The following SAMD8 variants were observed in gnomAD, a reference collection of about 807,000 sequenced individuals.
SAMD8 encodes sphingomyelin synthase-related protein 1.
A neutral mutation model predicts 42.0 loss-of-function variants in SAMD8; 20 were observed. That is an observed-to-expected ratio of 0.48 (90% CI 0.34 to 0.69). The LOEUF (loss-of-function observed/expected upper bound fraction) is 0.69, where lower values mean the gene tolerates loss of function less well. Among genes scored for constraint, SAMD8 ranks in the 30% least tolerant of loss-of-function variants. SAMD8 has a pLI of 0.01. For synonymous variants in SAMD8, 162 were observed against 173.0 expected (o/e 0.94, Z 0.50); for missense variants, 328 against 511.6 (o/e 0.64, Z 3.46).
intron 4 of SAMD8, among the ~76,000 whole-genome samples, chr10:75,173,043 T>G (rs1292446169): frequency 2.6e-5 from 4 of 152,188 alleles, no homozygotes; most frequent in Non-Finnish European, 5.9e-5. Context: ...GGGATATCCG[T>G]GCATAGGGCT....
chr10:75,150,076 ATC>A (rs749960015), intron 1 of SAMD8, among the ~76,000 whole-genome samples: 224 of 147,556 alleles, frequency 1.5e-3, no homozygotes, highest in African/African-American at 4.4e-3. Flanking sequence ...GTGTGTGTAC[ATC>A]TCTCTCTCTC....
chr10:75,121,413 C>T (rs1014847526), intron 1 of SAMD8, among the ~76,000 whole-genome samples: 3 of 152,294 alleles, frequency 2.0e-5, no homozygotes, highest in East Asian at 1.9e-4. Context: ...AGGAATTGTA[C>T]TAGATCTCTC....
At chr10:75,148,308 G>GT (rs1404246082) in intron 1 of SAMD8, among the ~76,000 whole-genome samples, 1 of 143,838 alleles carries the variant, frequency 7.0e-6, no homozygotes, top group Non-Finnish European at 1.5e-5. Context: ...CGTGGCAGGA[G>GT]TTTATGTGGG....
At chr10:75,108,036 G>A, upstream of SAMD8, 5 of 1,613,848 alleles carry the variant, frequency 3.1e-6, no homozygotes, top group Non-Finnish European at 4.2e-6. Context: ...AGCCGCAGAG[G>A]AGAAGTAGGC....
At chr10:75,105,916 C>T (rs1848471567) in intron 1 of SAMD8, 2 of 1,520,734 alleles carry the variant, frequency 1.3e-6, no homozygotes, top group Non-Finnish European at 1.8e-6. Context: ...CACCGGCCCA[C>T]CCACGGGCTG....
At chr10:75,109,801 GA>G (rs1430341122), upstream of SAMD8, among the ~76,000 whole-genome samples, 2 of 122,920 alleles carry the variant, frequency 1.6e-5, no homozygotes, top group African/African-American at 3.0e-5. Context: ...TTCATGGGGG[GA>G]GGGGGAAGGT....
intron 1 of SAMD8, among the ~76,000 whole-genome samples, chr10:75,104,598 G>C (rs770949594): frequency 4.6e-5 from 7 of 152,192 alleles, no homozygotes; most frequent in Non-Finnish European, 8.8e-5. Context: ...CTAGAGGAGA[G>C]AGAGCAGGCA....
chr10:75,131,652 A>T (rs903207430), intron 1 of SAMD8, among the ~76,000 whole-genome samples: 1 of 152,174 alleles, frequency 6.6e-6, no homozygotes, highest in Non-Finnish European at 1.5e-5. Flanking sequence ...TCTCCAAAAT[A>T]TGGTAAGAAT....
chr10:75,103,873 G>C, intron 1 of SAMD8: 1 of 1,296,776 alleles, frequency 7.7e-7, no homozygotes, highest in Non-Finnish European at 1.0e-6. Context: ...GGGCTTGGCT[G>C]AGAGGGGAGC....
intron 4 of SAMD8, among the ~76,000 whole-genome samples, chr10:75,171,359 G>A (rs1840861731): frequency 6.6e-6 from 1 of 150,730 alleles, no homozygotes; most frequent in African/African-American, 2.4e-5. Context: ...AGTAGAGACG[G>A]GGTTTCACTG....
At chr10:75,167,039 G>A (rs1401076674) in intron 3 of SAMD8, among the ~76,000 whole-genome samples, 1 of 152,168 alleles carries the variant, frequency 6.6e-6, no homozygotes, top group Non-Finnish European at 1.5e-5. Flanking sequence ...AAAAATATGT[G>A]ATGTATGGTC....
rs1049813321 is a variant in SAMD8, at chr10:75,177,244, G to A, written c.*552G>A. ...TCTTTAAATATACTGAGCATACCAGGATGCCTGAAATAAGAAGAGAATGAA... is the reference window on the plus strand; with the variant it reads ...TCTTTAAATATACTGAGCATACCAGAATGCCTGAAATAAGAAGAGAATGAA... On this transcript the variant is annotated 3_prime_UTR_variant, in exon 6 of 6. Transcript: ENST00000542569. The A allele has an allele frequency of 6.6e-6, 1 of 152,382 alleles. No homozygotes were observed. The highest frequency in any genetic ancestry group is 1.5e-5 in the Non-Finnish European group (1 of 68,246). 9.4% of individuals were successfully genotyped at this position (152,382 alleles called of 1,614,324 possible).
chr10:75,174,080 A>G (rs1840932855), intron 4 of SAMD8, among the ~76,000 whole-genome samples: 1 of 152,178 alleles, frequency 6.6e-6, no homozygotes, highest in South Asian at 2.1e-4. Flanking sequence ...TTATTATAAT[A>G]ATACTAGTAT....
chr10:75,141,957 T>C (rs951886025), intron 1 of SAMD8, among the ~76,000 whole-genome samples: 2 of 152,058 alleles, frequency 1.3e-5, no homozygotes, highest in Non-Finnish European at 2.9e-5. Context: ...CACTTGCTTT[T>C]TAAAAAAATT....
chr10:75,169,032 G>A (rs995554506), intron 4 of SAMD8, among the ~76,000 whole-genome samples: 5 of 151,780 alleles, frequency 3.3e-5, no homozygotes, highest in African/African-American at 4.8e-5. Context: ...TTAGTTGGGC[G>A]TGGTGGTGGG....
rs753777541 is a variant in SAMD8, at chr10:75,164,673, A to G, written c.607A>G (p.Met203Val). Residue 203 changes from methionine to valine, a missense_variant, in exon 3 of 6, where the codon ATG becomes GTG. This residue lies in a region of SAMD8 where 178 missense variants were observed against 325.6 expected (regional missense o/e 0.55). Coordinates refer to ENST00000542569, the MANE Select transcript of SAMD8 (RefSeq NM_001174156.2). ...TCCTAGAATCCCATGGGCCTTTGCC[A>G]TGACGGAAGTATGTGGCATGATTCT... Reference protein sequence around the residue: ...SVPRIPWAFAMTEVCGMILCY... With the variant: ...SVPRIPWAFAVTEVCGMILCY... 7 of 1,614,030 alleles carry G rather than the reference A, an allele frequency of 4.3e-6. No homozygotes were observed. The East Asian group carries it at 1.1e-4, about 26-fold the overall frequency.
chr10:75,152,730 A>T (rs1317246311), intron 2 of SAMD8, among the ~76,000 whole-genome samples: 1 of 151,728 alleles, frequency 6.6e-6, no homozygotes, highest in African/African-American at 2.4e-5. Flanking sequence ...GCCAAGCATG[A>T]TGGCACATGC....
intron 1 of SAMD8, among the ~76,000 whole-genome samples, chr10:75,114,690 TA>T (rs537258810): frequency 1.6e-4 from 24 of 152,240 alleles, no homozygotes; most frequent in South Asian, 4.1e-4. Flanking sequence ...TCAAGATTTT[TA>T]CTTCCAGGCC....
At chr10:75,130,114 TG>T (rs1416233415) in intron 1 of SAMD8, among the ~76,000 whole-genome samples, 1 of 152,122 alleles carries the variant, frequency 6.6e-6, no homozygotes, top group East Asian at 1.9e-4. Context: ...GAATAACAAC[TG>T]GATGCCGAAA....
Sources: gnomAD v4.1 joint callset for allele counts (sites outside exome capture counted in the v4.1 genomes callset) on GRCh38, gnomAD v4.1.1 for gene constraint, gnomAD v4.1.1 regional missense constraint, MANE v1.5 for transcripts, NCBI Gene and HGNC (gene_info 2026-07-23, HGNC 2026-07-21) for gene names.